NPAS3: variants seen among roughly 807,000 people sequenced by gnomAD.
The protein encoded by NPAS3 is neuronal PAS domain-containing protein 3.
Under a neutral mutation model 73.1 loss-of-function variants are expected in NPAS3, and 14 were observed. The observed-to-expected ratio is 0.19, with a 90% CI of 0.13 to 0.30. The LOEUF (loss-of-function observed/expected upper bound fraction) is 0.30. Ranked by LOEUF, NPAS3 falls within the 10% of genes least tolerant of loss-of-function variation. The pLI is 1.00. For synonymous variants in NPAS3, 620 were observed against 541.5 expected, an observed-to-expected ratio of 1.14 and a Z score of -2.01; for missense variants, 1,096 against 1,250.0, an observed-to-expected ratio of 0.88 and a Z score of 1.86.
intron 5 of NPAS3, among the ~76,000 whole-genome samples, chr14:33,618,328 A>G (rs1468799769): frequency 6.6e-6 from 1 of 152,160 alleles, no homozygotes; most frequent in Admixed American, 6.5e-5. Context: ...ACAACTCACC[A>G]TAATGTAGAA....
At chr14:33,400,414 TAGAG>T (rs2047397887) in intron 4 of NPAS3, among the ~76,000 whole-genome samples, 1 of 152,120 alleles carries the variant, frequency 6.6e-6, no homozygotes, top group Non-Finnish European at 1.5e-5. Context: ...GTTAGGGCCA[TAGAG>T]AGAAAGAGTA....
In NPAS3 at chr14:33,183,549, T is replaced by C. The variant is rs77261168; in HGVS notation, c.141-31633T>C. ...AGCCCAGGGCTTAAATGCTGTCCTGTGCAGGTGTTCTTCTCCATCACGCCT... is the reference window on the plus strand; with the variant it reads ...AGCCCAGGGCTTAAATGCTGTCCTGCGCAGGTGTTCTTCTCCATCACGCCT... On this transcript the variant is annotated intron_variant, in intron 2 of 11. Transcript: ENST00000356141. Among the ~76,000 whole-genome samples the C allele has an allele frequency of 7.6e-4, 114 of 149,808 alleles. 1 individual carries two copies. The East Asian group carries it at 0.022, about 28-fold the overall frequency.
At position 33,164,266 on chromosome 14, in the gene NPAS3, A is replaced by G. The variant is rs994467298; in HGVS notation, c.141-50916A>G. Reference sequence around the variant, plus strand: ...ATTCCATCAGTCAATGTTAAACTACATTATTTTATATTTACAAAGAAGTTT... The same window carrying G: ...ATTCCATCAGTCAATGTTAAACTACGTTATTTTATATTTACAAAGAAGTTT... On this transcript the variant is annotated intron_variant, in intron 2 of 11. Coordinates refer to ENST00000356141, the Ensembl canonical transcript of NPAS3. Among the ~76,000 whole-genome samples the G allele has an allele frequency of 2.3e-4, 35 of 152,304 alleles. 2 individuals carry two copies. Among genetic ancestry groups the G allele is most frequent in the Admixed American group, 1.8e-3 (28 of 15,294 alleles).
chr14:33,310,977 T>C (rs1365732899), intron 3 of NPAS3, among the ~76,000 whole-genome samples: 1 of 152,280 alleles, frequency 6.6e-6, no homozygotes, highest in Middle Eastern at 3.4e-3. Context: ...GATTTTGAAC[T>C]CACTGATGAA....
chr14:33,735,921 C>G (rs985448251), intron 7 of NPAS3, among the ~76,000 whole-genome samples: 3 of 152,150 alleles, frequency 2.0e-5, no homozygotes, highest in African/African-American at 7.2e-5. Context: ...CAGTCAAAAT[C>G]TACATTATCA....
At chr14:32,988,643 G>T (rs1400864055) in intron 1 of NPAS3, among the ~76,000 whole-genome samples, 2 of 152,146 alleles carry the variant, frequency 1.3e-5, no homozygotes, top group African/African-American at 4.8e-5. Context: ...CACCAATGGG[G>T]TGTGTCATCT....
chr14:33,220,569 C>T (rs557024040), intron 3 of NPAS3, among the ~76,000 whole-genome samples: 3 of 152,214 alleles, frequency 2.0e-5, no homozygotes, highest in East Asian at 1.9e-4. Flanking sequence ...TTTATATCAC[C>T]GCATTTCCCA....
chr14:33,584,753 C>G (rs1361317105), intron 5 of NPAS3, among the ~76,000 whole-genome samples: 1 of 152,148 alleles, frequency 6.6e-6, no homozygotes, highest in South Asian at 2.1e-4. Flanking sequence ...TTTAGTACCT[C>G]CCATGTCATC....
chr14:33,252,071 G>A (rs1209220159), intron 3 of NPAS3, among the ~76,000 whole-genome samples: 3 of 151,304 alleles, frequency 2.0e-5, no homozygotes, highest in East Asian at 1.9e-4. Context: ...GTGTGTGTGT[G>A]TGTGTGTGTG....
At chr14:33,461,135 C>T (rs1045450432) in intron 4 of NPAS3, among the ~76,000 whole-genome samples, 7 of 152,066 alleles carry the variant, frequency 4.6e-5, no homozygotes, top group Non-Finnish European at 1.0e-4. Flanking sequence ...TTAGGGCCTG[C>T]GAGGCTTTAT....
intron 4 of NPAS3, among the ~76,000 whole-genome samples, chr14:33,455,686 A>G (rs879683574): frequency 3.9e-5 from 6 of 152,218 alleles, no homozygotes; most frequent in Non-Finnish European, 7.3e-5. Flanking sequence ...GTAAGGATCT[A>G]CAAGTAGGTG....
At chr14:33,478,254 T>C (rs1322224065) in intron 4 of NPAS3, among the ~76,000 whole-genome samples, 1 of 152,182 alleles carries the variant, frequency 6.6e-6, no homozygotes, top group Non-Finnish European at 1.5e-5. Flanking sequence ...TAATACTTCA[T>C]GCCAAATGTG....
At chr14:33,053,314 T>C (rs187026501) in intron 1 of NPAS3, among the ~76,000 whole-genome samples, 6 of 152,354 alleles carry the variant, frequency 3.9e-5, no homozygotes, top group South Asian at 2.1e-4. Flanking sequence ...CCTTTTTCCC[T>C]TAGTTTGACT....
chr14:33,344,608 C>CT (rs1357165805), intron 3 of NPAS3, among the ~76,000 whole-genome samples: 1 of 152,182 alleles, frequency 6.6e-6, no homozygotes, highest in Non-Finnish European at 1.5e-5. Flanking sequence ...GAATGACATT[C>CT]TATACCTTCA....
intron 2 of NPAS3, among the ~76,000 whole-genome samples, chr14:33,207,758 C>T (rs1478340902): frequency 6.6e-6 from 1 of 151,980 alleles, no homozygotes; most frequent in Non-Finnish European, 1.5e-5. Flanking sequence ...AGAAAATGGC[C>T]CCTTTTACAG....
At chr14:33,566,090 A>G (rs975229277) in intron 5 of NPAS3, among the ~76,000 whole-genome samples, 1 of 152,176 alleles carries the variant, frequency 6.6e-6, no homozygotes, top group African/African-American at 2.4e-5. Flanking sequence ...TATAAGTATC[A>G]AAATAATTCA....
intron 3 of NPAS3, among the ~76,000 whole-genome samples, chr14:33,246,456 G>C (rs184129418): frequency 0.017 from 2,546 of 146,798 alleles, 79 homozygotes; most frequent in East Asian, 0.13. Context: ...GGAGAATGGC[G>C]TGAACCCCGG....
intron 4 of NPAS3, among the ~76,000 whole-genome samples, chr14:33,516,620 C>T (rs1232947878): frequency 6.6e-6 from 1 of 152,144 alleles, no homozygotes; most frequent in African/African-American, 2.4e-5. Flanking sequence ...GTTCCTTATC[C>T]TGAAAGTGGG....
chr14:33,699,745 T>C (rs1194929266), intron 6 of NPAS3, among the ~76,000 whole-genome samples: 1 of 151,478 alleles, frequency 6.6e-6, no homozygotes, highest in Non-Finnish European at 1.5e-5. Context: ...GTCAAAGACA[T>C]TTTTTTTTAA....
Sources: gnomAD v4.1 joint callset for allele counts (sites outside exome capture counted in the v4.1 genomes callset) on GRCh38, gnomAD v4.1.1 for gene constraint, MANE v1.5 for transcripts, NCBI Gene and HGNC (gene_info 2026-07-23, HGNC 2026-07-21) for gene names.